The following DENND5B variants were observed in gnomAD, a reference collection of about 807,000 sequenced individuals.
The protein encoded by DENND5B is DENN domain containing 5B.
Under a neutral mutation model 140.6 loss-of-function variants are expected in DENND5B, and 34 were observed. The observed-to-expected ratio is 0.24, with a 90% CI of 0.18 to 0.32. The LOEUF is 0.32. Ranked by LOEUF, DENND5B falls within the 10% of genes least tolerant of loss-of-function variation. The pLI is 1.00. For synonymous variants in DENND5B, 551 were observed against 562.1 expected, an observed-to-expected ratio of 0.98 and a Z score of 0.28; for missense variants, 1,142 against 1,560.2, an observed-to-expected ratio of 0.73 and a Z score of 4.52.
chr12:31,438,799 A>G (rs1421251665), intron 7 of DENND5B, among the ~76,000 whole-genome samples: 2 of 152,134 alleles, frequency 1.3e-5, no homozygotes, highest in Non-Finnish European at 2.9e-5. Context: ...ATTAGGGTTA[A>G]TGGGCAAGGT....
chr12:31,587,623 C>T (rs572676984), intron 1 of DENND5B, among the ~76,000 whole-genome samples: 11 of 147,088 alleles, frequency 7.5e-5, no homozygotes, highest in African/African-American at 2.7e-4. Flanking sequence ...TCTCAGCTCA[C>T]TGCAACCTCC....
chr12:31,540,936 G>A (rs1181252935), intron 1 of DENND5B: 12 of 437,336 alleles, frequency 2.7e-5, no homozygotes, highest in East Asian at 7.1e-5. Context: ...CAAAGGTGCC[G>A]AGAACATACA....
intron 8 of DENND5B, 114 bp downstream of exon 8, chr12:31,433,041 A>C (rs1175843696): frequency 2.2e-6 from 2 of 901,342 alleles, no homozygotes; most frequent in African/African-American, 1.7e-5. Flanking sequence ...AACTATAACT[A>C]AACAGTTTTT....
chr12:31,440,287 G>T (rs180997450), intron 7 of DENND5B, among the ~76,000 whole-genome samples: 121 of 152,050 alleles, frequency 8.0e-4, no homozygotes, highest in Middle Eastern at 3.4e-3. Flanking sequence ...TGGCCTCAAG[G>T]AATACTTCCT....
chr12:31,545,341 C>T (rs186560356), intron 1 of DENND5B, among the ~76,000 whole-genome samples: 1 of 152,050 alleles, frequency 6.6e-6, no homozygotes, highest in Admixed American at 6.6e-5. Flanking sequence ...CCCACGTCAC[C>T]CAAGTATTGA....
chr12:31,440,490 C>G (rs1323940704), intron 7 of DENND5B, among the ~76,000 whole-genome samples: 8 of 152,332 alleles, frequency 5.3e-5, no homozygotes. Context: ...ATATTAAATG[C>G]TCTTGAACAA....
intron 1 of DENND5B, chr12:31,540,846 A>G (rs1045274663): frequency 7.4e-5 from 17 of 230,302 alleles, no homozygotes; most frequent in Admixed American, 1.0e-4. Flanking sequence ...TGGCATAAAA[A>G]CAGACACATT....
chr12:31,516,584 G>A (rs1055342367), intron 1 of DENND5B, among the ~76,000 whole-genome samples: 2 of 151,592 alleles, frequency 1.3e-5, no homozygotes, highest in African/African-American at 4.9e-5. Flanking sequence ...ATTGATGATA[G>A]CAGTCATTTT....
intron 1 of DENND5B, among the ~76,000 whole-genome samples, chr12:31,544,714 G>A (rs1592017625): frequency 6.6e-6 from 1 of 151,930 alleles, no homozygotes; most frequent in Admixed American, 6.6e-5. Context: ...CACCAAAAGT[G>A]GAAAGGCAAG....
In DENND5B at chr12:31,528,708, T is replaced by C. The variant is rs144462469; in HGVS notation, c.128-32789A>G. Among the ~76,000 whole-genome samples, 319 of 152,274 alleles carry C rather than the reference T, an allele frequency of 2.1e-3. 2 individuals carry two copies. Among genetic ancestry groups the C allele is most frequent in the African/African-American group, 7.0e-3 (290 of 41,562 alleles). On this transcript the variant is annotated intron_variant, in intron 1 of 20. Coordinates refer to ENST00000389082, the MANE Select transcript of DENND5B (RefSeq NM_144973.4). ...GAAGATTACATTTCTGAGGAAACAA[T>C]AGGAATCCAGTTTTGAACATACTGA...
intron 7 of DENND5B, among the ~76,000 whole-genome samples, chr12:31,434,721 T>C (rs985014317): frequency 1.3e-5 from 2 of 152,216 alleles, no homozygotes; most frequent in Admixed American, 6.5e-5. Context: ...TTCCCTGCTA[T>C]GGGAAGTACA....
intron 1 of DENND5B, among the ~76,000 whole-genome samples, chr12:31,500,109 G>A (rs1946944314): frequency 1.3e-5 from 2 of 152,178 alleles, no homozygotes; most frequent in South Asian, 4.1e-4. Flanking sequence ...TACAGGTTGA[G>A]CATCCTTAAT....
chr12:31,524,400 C>T (rs55643034), intron 1 of DENND5B, among the ~76,000 whole-genome samples: 20,411 of 152,174 alleles, frequency 0.13, 1,615 homozygotes, highest in Non-Finnish European at 0.18. Flanking sequence ...CACCTGTAAT[C>T]CCAGCACTTT....
At chr12:31,409,525 C>G (rs1360063196) in intron 13 of DENND5B, 141 bp from the exon 14 acceptor site, 1 of 1,007,916 alleles carries the variant, frequency 9.9e-7, no homozygotes, top group East Asian at 3.6e-5. Context: ...GTTGCCCAGG[C>G]TGGAGTGCAA....
At chr12:31,460,789 G>C (rs188845053) in intron 3 of DENND5B, among the ~76,000 whole-genome samples, 2 of 152,244 alleles carry the variant, frequency 1.3e-5, no homozygotes, top group South Asian at 4.2e-4. Context: ...GCAATGGTGC[G>C]ATCTTGGCAC....
chr12:31,418,331 G>C (rs1224149469), intron 11 of DENND5B, among the ~76,000 whole-genome samples: 1 of 144,122 alleles, frequency 6.9e-6, no homozygotes, highest in Non-Finnish European at 1.5e-5. Context: ...GCCCAGGCTG[G>C]AGTGCAGTGG....
Position 31,551,085 on chromosome 12 carries a change from T to C in DENND5B, c.127+39621A>G, listed in dbSNP as rs1223652423. 3.9e-5 allele frequency among the ~76,000 whole-genome samples: 6 copies of C among 152,142 alleles called. No homozygotes were observed. In the East Asian group the frequency reaches 9.6e-4, roughly 24 times the overall value. ...AGTTTCATTAGATCCCATTTGTCAA[T>C]TTTGGCTTTTGTTGCCATTGCTTTT... On this transcript the variant is annotated intron_variant, in intron 1 of 20. Transcript: ENST00000389082.
intron 1 of DENND5B, among the ~76,000 whole-genome samples, chr12:31,574,267 A>AAAAAATAATAAT (rs141072772): frequency 3.3e-5 from 3 of 89,702 alleles, no homozygotes; most frequent in Non-Finnish European, 5.3e-5. Flanking sequence ...TGTCTCTAAA[A>AAAAAATAATAAT]AATAATAATA....
chr12:31,440,374 T>C (rs972635748), intron 7 of DENND5B, among the ~76,000 whole-genome samples: 2 of 152,084 alleles, frequency 1.3e-5, no homozygotes, highest in African/African-American at 4.8e-5. Flanking sequence ...GTTCAGTGTG[T>C]ATAAAAGCAG....
Sources: allele counts gnomAD v4.1 joint callset (sites outside exome capture counted in the v4.1 genomes callset), GRCh38; gene constraint gnomAD v4.1.1; transcripts MANE v1.5; gene names NCBI Gene and HGNC (gene_info 2026-07-23, HGNC 2026-07-21).